NRG1: variants seen among roughly 807,000 people sequenced by gnomAD.
The protein encoded by NRG1 is neuregulin 1, also known as pro-neuregulin-1, membrane-bound isoform.
A neutral mutation model predicts 63.8 loss-of-function variants in NRG1; 18 were observed. The ratio of observed to expected loss-of-function variants is 0.28; its 90% CI spans 0.19 to 0.42. The LOEUF is 0.42. Among genes scored for constraint, NRG1 ranks in the 10% least tolerant of loss-of-function variants. The pLI is 1.00. For missense variants in NRG1, 762 were observed against 814.7 expected, an observed-to-expected ratio of 0.94 and a Z score of 0.79; for synonymous variants, 302 against 301.3, an observed-to-expected ratio of 1.00 and a Z score of -0.02.
At chr8:32,209,720 TCC>T (rs2132375114) in intron 1 of NRG1, among the ~76,000 whole-genome samples, 1 of 30,724 alleles carries the variant, frequency 3.3e-5, no homozygotes, top group Admixed American at 4.7e-4. Flanking sequence ...TTCCCTTCCT[TCC>T]TTCCTTCCTT....
intron 1 of NRG1, among the ~76,000 whole-genome samples, chr8:32,317,850 G>A (rs1003805689): frequency 6.6e-6 from 1 of 152,210 alleles, no homozygotes; most frequent in Non-Finnish European, 1.5e-5. Flanking sequence ...GTGTTGAGCA[G>A]TTGCAAAGCT....
intron 1 of NRG1, among the ~76,000 whole-genome samples, chr8:32,158,274 C>G (rs960336848): frequency 2.6e-5 from 4 of 151,430 alleles, no homozygotes; most frequent in Middle Eastern, 3.2e-3. Flanking sequence ...TGTGATCACC[C>G]AGGGTACTTT....
intron 1 of NRG1, among the ~76,000 whole-genome samples, chr8:32,506,975 G>A (rs534333410): frequency 2.6e-5 from 4 of 152,184 alleles, no homozygotes; most frequent in African/African-American, 9.6e-5. Flanking sequence ...AACCCATTTA[G>A]CCATTAATTT....
intron 1 of NRG1, among the ~76,000 whole-genome samples, chr8:32,421,589 A>G (rs1816704597): frequency 6.6e-6 from 1 of 152,218 alleles, no homozygotes; most frequent in Admixed American, 6.5e-5. Flanking sequence ...GTTCAGTGTG[A>G]TGATTAACAA....
At chr8:32,080,764 C>CGTGTGT (rs3084557) in intron 1 of NRG1, among the ~76,000 whole-genome samples, 23 of 148,838 alleles carry the variant, frequency 1.5e-4, no homozygotes, top group African/African-American at 5.0e-4. Flanking sequence ...TGTGTGTGTG[C>CGTGTGT]GTGTGTGTGT....
intron 1 of NRG1, among the ~76,000 whole-genome samples, chr8:31,903,826 G>A (rs892189141): frequency 3.3e-5 from 5 of 151,884 alleles, no homozygotes; most frequent in African/African-American, 1.2e-4. Context: ...GTGGTGATGT[G>A]CGCCTGTAAT....
At chr8:32,038,681 G>A (rs1554607686) in intron 1 of NRG1, among the ~76,000 whole-genome samples, 1 of 151,848 alleles carries the variant, frequency 6.6e-6, no homozygotes, top group Middle Eastern at 3.4e-3. Flanking sequence ...GATTCAATAC[G>A]GACTTTGAAA....
intron 5 of NRG1, among the ~76,000 whole-genome samples, chr8:32,640,855 G>A (rs558100677): frequency 6.6e-6 from 1 of 152,088 alleles, no homozygotes; most frequent in Non-Finnish European, 1.5e-5. Context: ...CAGCACTTTG[G>A]GAGGCTGTGG....
At chr8:31,866,412 G>A (rs1018299110) in intron 1 of NRG1, among the ~76,000 whole-genome samples, 1 of 152,114 alleles carries the variant, frequency 6.6e-6, no homozygotes, top group Non-Finnish European at 1.5e-5. Context: ...GTTTTTAAAC[G>A]ATAATCTTTT....
chr8:31,775,324 A>G (rs1819013723), intron 1 of NRG1, among the ~76,000 whole-genome samples: 1 of 152,214 alleles, frequency 6.6e-6, no homozygotes, highest in Non-Finnish European at 1.5e-5. Context: ...CCATTATCCT[A>G]AGTGAAAGAA....
intron 1 of NRG1, among the ~76,000 whole-genome samples, chr8:31,672,979 A>G (rs945039496): frequency 1.3e-5 from 2 of 151,112 alleles, no homozygotes; most frequent in Non-Finnish European, 2.9e-5. Context: ...GAGTTTAAAG[A>G]AACACTGGGA....
intron 7 of NRG1, among the ~76,000 whole-genome samples, chr8:32,750,172 T>C (rs1828397464): frequency 1.3e-5 from 2 of 152,190 alleles, no homozygotes; most frequent in South Asian, 4.1e-4. Context: ...TTCATTATCT[T>C]ATAAGAAGGA....
intron 1 of NRG1, among the ~76,000 whole-genome samples, chr8:31,935,603 C>A (rs547203230): frequency 6.6e-6 from 1 of 152,272 alleles, no homozygotes; most frequent in East Asian, 1.9e-4. Context: ...CCTCAGAGAG[C>A]ATGGATTACT....
chr8:32,608,762 A>G (rs1342784777), intron 3 of NRG1, among the ~76,000 whole-genome samples: 1 of 152,130 alleles, frequency 6.6e-6, no homozygotes, highest in Non-Finnish European at 1.5e-5. Flanking sequence ...AACAAAAGTT[A>G]CCTACCTTCT....
chr8:32,005,050 A>C (rs1296779121), intron 1 of NRG1, among the ~76,000 whole-genome samples: 5 of 151,726 alleles, frequency 3.3e-5, no homozygotes, highest in Non-Finnish European at 2.9e-5. Context: ...GAAAGGAAGA[A>C]AACATATAGA....
At chr8:31,768,743 A>C (rs1469190703) in intron 1 of NRG1, among the ~76,000 whole-genome samples, 1 of 152,158 alleles carries the variant, frequency 6.6e-6, no homozygotes, top group African/African-American at 2.4e-5. Context: ...TAGAGACTTG[A>C]TGTTCCTAAC....
intron 1 of NRG1, among the ~76,000 whole-genome samples, chr8:31,859,328 T>C (rs1385924662): frequency 6.6e-6 from 1 of 152,206 alleles, no homozygotes; most frequent in Non-Finnish European, 1.5e-5. Flanking sequence ...TTATAACTCC[T>C]GGTTCCATCA....
chr8:31,909,607 G>A (rs1249429172), intron 1 of NRG1, among the ~76,000 whole-genome samples: 1 of 152,150 alleles, frequency 6.6e-6, no homozygotes, highest in Non-Finnish European at 1.5e-5. Flanking sequence ...AATATTCTTG[G>A]CTGAATGTGT....
intron 1 of NRG1, among the ~76,000 whole-genome samples, chr8:32,233,563 A>ATATATATATATATATATATTTT (rs34593729): frequency 3.0e-5 from 2 of 67,262 alleles, no homozygotes; most frequent in Non-Finnish European, 5.0e-5. Context: ...ATATATATAT[A>ATATATATATATATATATATTTT]TTTTTTTTTT....
Sources: gnomAD v4.1 joint callset for allele counts (sites outside exome capture counted in the v4.1 genomes callset) on GRCh38, gnomAD v4.1.1 for gene constraint, MANE v1.5 for transcripts, NCBI Gene and HGNC (gene_info 2026-07-23, HGNC 2026-07-21) for gene names.